The following PLPPR1 variants were observed in gnomAD, a reference collection of about 807,000 sequenced individuals.
PLPPR1 encodes the protein phospholipid phosphatase-related protein type 1.
PLPPR1 carries 10 observed loss-of-function variants against 33.1 expected under a neutral mutation model. That is an observed-to-expected ratio of 0.30 (90% CI 0.19 to 0.51). The LOEUF is 0.51. PLPPR1 is among the 20% of genes least tolerant of loss of function. The pLI, the probability that PLPPR1 is intolerant of heterozygous loss-of-function variation, is 0.97. For missense variants in PLPPR1, 304 were observed against 408.1 expected (o/e 0.74, Z 2.20); for synonymous variants, 151 against 151.0 (o/e 1.00, Z 0.00).
chr9:101,186,191 T>C (rs1326839373), intron 2 of PLPPR1, among the ~76,000 whole-genome samples: 1 of 151,852 alleles, frequency 6.6e-6, no homozygotes, highest in East Asian at 1.9e-4. Flanking sequence ...ATGTTTGCTA[T>C]AGAGGAGACA....
chr9:101,293,403 A>G (rs1298692473), intron 4 of PLPPR1, among the ~76,000 whole-genome samples: 2 of 151,878 alleles, frequency 1.3e-5, no homozygotes, highest in Non-Finnish European at 2.9e-5. Flanking sequence ...ACGAGACAGA[A>G]AGTTAACAAG....
intron 1 of PLPPR1, among the ~76,000 whole-genome samples, chr9:101,093,424 G>C (rs1830774000): frequency 6.6e-6 from 1 of 152,094 alleles, no homozygotes; most frequent in Non-Finnish European, 1.5e-5. Context: ...TCAATTGAGT[G>C]CCCACTTAAT....
intron 5 of PLPPR1, among the ~76,000 whole-genome samples, chr9:101,310,990 CAAAT>C (rs1828944059): frequency 6.6e-6 from 1 of 152,040 alleles, no homozygotes. Flanking sequence ...TTTTTTTAAA[CAAAT>C]AAAGCCCTCT....
chr9:101,109,828 C>T (rs1288719903), intron 1 of PLPPR1, among the ~76,000 whole-genome samples: 3 of 152,064 alleles, frequency 2.0e-5, no homozygotes, highest in Non-Finnish European at 4.4e-5. Flanking sequence ...TCCTCATAAT[C>T]AACTAGCCAT....
At chr9:101,265,724 C>A (rs116750232) in intron 2 of PLPPR1, among the ~76,000 whole-genome samples, 4 of 151,978 alleles carry the variant, frequency 2.6e-5, no homozygotes, top group Non-Finnish European at 5.9e-5. Flanking sequence ...AGGCCGGGTA[C>A]GGTGGCTCAA....
At chr9:101,290,963 G>A (rs1358936012) in intron 4 of PLPPR1, among the ~76,000 whole-genome samples, 4 of 152,254 alleles carry the variant, frequency 2.6e-5, no homozygotes, top group Admixed American at 1.3e-4. Flanking sequence ...CACCAAGCGC[G>A]AGCCAAAGTA....
Position 101,207,186 on chromosome 9 carries a change from A to G in PLPPR1, c.63+21629A>G, listed in dbSNP as rs909007542. Among the ~76,000 whole-genome samples, 3 of 152,188 alleles carry G rather than the reference A, an allele frequency of 2.0e-5. No homozygotes were observed. In the South Asian group the frequency reaches 6.2e-4, roughly 32 times the overall value. ...GACAAATGCAAAATACTGAATAAAT[A>G]TTGGCTCAGGGAATGAGTAGATAAA... On this transcript the variant is annotated intron_variant, in intron 2 of 7. Coordinates refer to ENST00000374874, the MANE Select transcript of PLPPR1 (RefSeq NM_207299.2).
intron 1 of PLPPR1, among the ~76,000 whole-genome samples, chr9:101,124,024 C>T (rs1446982117): frequency 1.3e-5 from 2 of 152,172 alleles, no homozygotes; most frequent in African/African-American, 4.8e-5. Flanking sequence ...CCCCCCTTCT[C>T]TTTTTTGTAA....
intron 1 of PLPPR1, among the ~76,000 whole-genome samples, chr9:101,069,872 T>C (rs1830462322): frequency 6.6e-6 from 1 of 151,992 alleles, no homozygotes; most frequent in Non-Finnish European, 1.5e-5. Context: ...CCCTAAGGGA[T>C]TAGGAGGACT....
At chr9:101,270,932 T>C (rs1828086452) in intron 3 of PLPPR1, among the ~76,000 whole-genome samples, 1 of 152,136 alleles carries the variant, frequency 6.6e-6, no homozygotes, top group Non-Finnish European at 1.5e-5. Flanking sequence ...TCGGCAGTAA[T>C]AAAAATACTG....
At chr9:101,255,237 T>C (rs949175765) in intron 2 of PLPPR1, among the ~76,000 whole-genome samples, 6 of 152,102 alleles carry the variant, frequency 3.9e-5, no homozygotes, top group Non-Finnish European at 8.8e-5. Context: ...GTTGTGCAGT[T>C]TGTCAATTTC....
At chr9:101,213,822 T>C (rs1316371048) in intron 2 of PLPPR1, among the ~76,000 whole-genome samples, 1 of 152,160 alleles carries the variant, frequency 6.6e-6, no homozygotes, top group African/African-American at 2.4e-5. Flanking sequence ...CAAATGCAAA[T>C]GTATCATTGT....
intron 2 of PLPPR1, among the ~76,000 whole-genome samples, chr9:101,251,492 C>T (rs1003439652): frequency 6.6e-6 from 1 of 152,060 alleles, no homozygotes; most frequent in African/African-American, 2.4e-5. Context: ...GCTCCAGTCT[C>T]GTATAGATTA....
chr9:101,249,495 G>C (rs1827677459), intron 2 of PLPPR1, among the ~76,000 whole-genome samples: 1 of 152,058 alleles, frequency 6.6e-6, no homozygotes, highest in Admixed American at 6.6e-5. Flanking sequence ...TGGCACATCT[G>C]TCATAATCAT....
intron 1 of PLPPR1, among the ~76,000 whole-genome samples, chr9:101,174,562 G>T (rs1034610010): frequency 1.3e-5 from 2 of 152,212 alleles, no homozygotes; most frequent in Admixed American, 6.5e-5. Flanking sequence ...CTCTGACTTT[G>T]CACAGCTTAG....
chr9:101,280,074 C>G (rs1828269932), intron 3 of PLPPR1, among the ~76,000 whole-genome samples: 1 of 151,910 alleles, frequency 6.6e-6, no homozygotes, highest in Admixed American at 6.6e-5. Context: ...AGAGATGACT[C>G]AAACAAATAA....
chr9:101,129,779 C>T (rs927164509), intron 1 of PLPPR1, among the ~76,000 whole-genome samples: 1 of 151,904 alleles, frequency 6.6e-6, no homozygotes, highest in African/African-American at 2.4e-5. Context: ...TGAAGTGAGG[C>T]GAGATCACGC....
chr9:101,243,467 A>G (rs920200955), intron 2 of PLPPR1, among the ~76,000 whole-genome samples: 1 of 151,980 alleles, frequency 6.6e-6, no homozygotes, highest in Non-Finnish European at 1.5e-5. Context: ...TAAATTGATC[A>G]GATTTACAGT....
At chr9:101,185,761 G>T (rs1826192653) in intron 2 of PLPPR1, among the ~76,000 whole-genome samples, 1 of 151,124 alleles carries the variant, frequency 6.6e-6, no homozygotes, top group Non-Finnish European at 1.5e-5. Context: ...CTTCACCTTT[G>T]GATATATAAT....
Sources: gnomAD v4.1 joint callset for allele counts (sites outside exome capture counted in the v4.1 genomes callset) on GRCh38, gnomAD v4.1.1 for gene constraint, MANE v1.5 for transcripts, NCBI Gene and HGNC (gene_info 2026-07-23, HGNC 2026-07-21) for gene names.